SNAP23: variants seen among roughly 807,000 people sequenced by gnomAD.
SNAP23 encodes synaptosome associated protein 23.
SNAP23 carries 11 observed loss-of-function variants against 29.0 expected under a neutral mutation model. That is an observed-to-expected ratio of 0.38 (90% confidence interval 0.24 to 0.63). The LOEUF (loss-of-function observed/expected upper bound fraction) is 0.63, where lower values mean the gene tolerates loss of function less well. Among genes scored for constraint, SNAP23 ranks in the 20% least tolerant of loss-of-function variants. SNAP23 has a pLI of 0.58. For synonymous variants in SNAP23, 60 were observed against 82.9 expected (o/e 0.72, Z 1.50); for missense variants, 220 against 253.9 (o/e 0.87, Z 0.91).
At chr15:42,498,287 T>C (rs1482156384) in intron 1 of SNAP23, among the ~76,000 whole-genome samples, 1 of 152,242 alleles carries the variant, frequency 6.6e-6, no homozygotes, top group African/African-American at 2.4e-5. Context: ...CCATGAGGTC[T>C]CTTCCACTGC....
chr15:42,505,265 G>A (rs113028838), intron 1 of SNAP23: 12,821 of 152,116 alleles, frequency 0.084, 613 homozygotes, highest in South Asian at 0.15. Context: ...GGGTTTCACC[G>A]TATTGGGCAG....
upstream of SNAP23, chr15:42,491,604 T>G (rs1179000319): frequency 1.3e-5 from 2 of 152,268 alleles, no homozygotes; most frequent in African/African-American, 4.8e-5. Context: ...CCTCAGGTTC[T>G]TGAGTTAAAA....
chr15:42,499,453 G>A (rs569756652), intron 1 of SNAP23, among the ~76,000 whole-genome samples: 87 of 152,220 alleles, frequency 5.7e-4, no homozygotes, highest in South Asian at 1.9e-3. Flanking sequence ...GTACTCATGG[G>A]ACAGCTGTGG....
At chr15:42,491,955 GGCT>G (rs1472757167), upstream of SNAP23, among the ~76,000 whole-genome samples, 2 of 151,420 alleles carry the variant, frequency 1.3e-5, no homozygotes, top group Admixed American at 1.3e-4. Context: ...CTGTCGTTCA[GGCT>G]GTAGTGCAGA....
Position 42,511,906 on chromosome 15 carries a change from A to G in SNAP23, c.57+3A>G. The stretch of plus-strand genomic sequence containing the variant: ...GAGCTCACCAGATTACTGATGAGGT[A>G]AATGTTTTACCTAAAATAAGTAAAT... On this transcript the variant is annotated splice_donor_region_variant and intron_variant, in intron 2 of 7. Coordinates refer to ENST00000249647, the MANE Select transcript of SNAP23 (RefSeq NM_003825.4). 6.4e-7 allele frequency: 1 copy of G among 1,574,488 alleles called. No homozygotes were observed.
Position 42,515,297 on chromosome 15 carries a change from A to C in SNAP23, c.209A>C (p.Glu70Ala), listed in dbSNP as rs1425917315. 1 of 1,612,916 alleles carries C rather than the reference A, an allele frequency of 6.2e-7. No homozygotes were observed. Among genetic ancestry groups the C allele is most frequent in the African/African-American group, 1.3e-5 (1 of 74,848 alleles). ...ATAAATAAGGACATGAGAGAGACAG[A>C]GAAGACTTTAACAGAACTCAACAAA... ...DQINKDMRET[E>A]KTLTELNKCC... The change falls in exon 5 of 8, where the codon GAG (glutamate) becomes GCG (alanine). Residue 70 changes from glutamate to alanine, a missense_variant. By Grantham distance (107) the Glu-to-Ala change is moderately radical. Transcript: ENST00000249647.
At chr15:42,506,476 C>T (rs1373688746) in intron 1 of SNAP23, among the ~76,000 whole-genome samples, 3 of 152,132 alleles carry the variant, frequency 2.0e-5, no homozygotes, top group African/African-American at 7.2e-5. Flanking sequence ...AGCCTCAAGC[C>T]GTTTTCCTAC....
intron 6 of SNAP23, 149 bp from the exon 7 acceptor site, chr15:42,529,526 T>C (rs2057540884): frequency 5.4e-6 from 4 of 734,142 alleles, no homozygotes; most frequent in East Asian, 5.5e-5. Flanking sequence ...GTTTTTATTA[T>C]AGAATGTTTC....
intron 1 of SNAP23, among the ~76,000 whole-genome samples, chr15:42,504,350 A>G (rs1173306628): frequency 6.6e-6 from 1 of 152,138 alleles, no homozygotes; most frequent in Non-Finnish European, 1.5e-5. Flanking sequence ...CAAATAAAAT[A>G]AAGTAAAATA....
chr15:42,511,799 A>G, intron 1 of SNAP23, 34 bp from the exon 2 acceptor site: 1 of 1,306,156 alleles, frequency 7.7e-7, no homozygotes, highest in Non-Finnish European at 1.1e-6. Context: ...TTATTCTTAT[A>G]CAATATCCAC....
intron 4 of SNAP23, among the ~76,000 whole-genome samples, chr15:42,514,700 C>CTTTTTTTTTTTTTTT (rs869134157): frequency 8.7e-6 from 1 of 115,148 alleles, no homozygotes; most frequent in African/African-American, 3.2e-5. Context: ...ATACAAGATT[C>CTTTTTTTTTTTTTTT]TTTTTTTTTT....
chr15:42,498,240 C>T (rs1299062998), intron 1 of SNAP23, among the ~76,000 whole-genome samples: 2 of 152,178 alleles, frequency 1.3e-5, no homozygotes, highest in African/African-American at 4.8e-5. Flanking sequence ...GTGTCCAATC[C>T]CACGTTTCCT....
rs2057239671 is a variant in SNAP23 at position 42,498,216 on chromosome 15, C to G, written c.-15+2503C>G. Among the ~76,000 whole-genome samples the G allele has an allele frequency of 1.3e-5, 2 of 152,186 alleles. 1 individual carries two copies. Among genetic ancestry groups the G allele is most frequent in the South Asian group, 4.1e-4 (2 of 4,834 alleles). ...ACTAGGCAGTGCCCCAGTGGGGATT[C>G]TGGGGGGTGGGCGGTGTCCAATCCC... On this transcript the variant is annotated intron_variant, in intron 1 of 7. Coordinates refer to ENST00000249647, the MANE Select transcript of SNAP23 (RefSeq NM_003825.4).
At position 42,511,918 on chromosome 15, in the gene SNAP23, TA is replaced by T; in HGVS notation, c.57+19del. 1 of 1,529,002 alleles carries T rather than the reference TA, an allele frequency of 6.5e-7. No homozygotes were observed. Among genetic ancestry groups the T allele is most frequent in the Non-Finnish European group, 9.0e-7 (1 of 1,113,756 alleles). The allele number at this position is 1,529,002 out of a possible 1,614,324, so 94.7% of individuals were successfully genotyped here. A position where few individuals can be genotyped will look rare whatever the true frequency, so the allele number is the denominator to read the frequency against. On this transcript the variant is annotated intron_variant, in intron 2 of 7. Transcript: ENST00000249647. ...TTACTGATGAGGTAAATGTTTTACC[TA>T]AAATAAGTAAATAATTCTATTTCAG...
intron 1 of SNAP23, among the ~76,000 whole-genome samples, chr15:42,507,616 T>C (rs2057325767): frequency 6.6e-6 from 1 of 152,226 alleles, no homozygotes; most frequent in Non-Finnish European, 1.5e-5. Context: ...CAGTTCTCTT[T>C]TCTGTAATAT....
chr15:42,518,430 CTCTT>C (rs1334407606), intron 5 of SNAP23, among the ~76,000 whole-genome samples: 37 of 149,876 alleles, frequency 2.5e-4, no homozygotes, highest in African/African-American at 9.1e-4. Context: ...TCTTTTCTTT[CTCTT>C]TTTTTTTTTT....
chr15:42,528,143 CT>C, intron 5 of SNAP23, 118 bp from the exon 6 acceptor site: 1 of 624,824 alleles, frequency 1.6e-6, no homozygotes, highest in Non-Finnish European at 2.6e-6. Context: ...CTAGACTTAG[CT>C]GTATGCAGCT....
intron 1 of SNAP23, among the ~76,000 whole-genome samples, chr15:42,507,061 T>G (rs1435513998): frequency 1.3e-5 from 2 of 152,116 alleles, no homozygotes; most frequent in African/African-American, 4.8e-5. Flanking sequence ...CAAGCAGTCC[T>G]CCTGCCTTGG....
intron 5 of SNAP23, among the ~76,000 whole-genome samples, chr15:42,525,379 A>C (rs8039240): frequency 0.12 from 17,256 of 148,726 alleles, 1,129 homozygotes; most frequent in Non-Finnish European, 0.14. Flanking sequence ...AAAAAAAAAA[A>C]AAAAATTCAA....
Sources: allele counts gnomAD v4.1 joint callset (sites outside exome capture counted in the v4.1 genomes callset), GRCh38; gene constraint gnomAD v4.1.1; transcripts MANE v1.5; gene names NCBI Gene and HGNC (gene_info 2026-07-23, HGNC 2026-07-21).